EPM2AIP1: variants seen among roughly 807,000 people sequenced by gnomAD.
EPM2AIP1 encodes EPM2A-interacting protein 1.
A neutral mutation model predicts 44.8 loss-of-function variants in EPM2AIP1; 23 were observed. That is an observed-to-expected ratio of 0.51 (90% CI 0.37 to 0.73). The LOEUF is 0.73. Among genes scored for constraint, EPM2AIP1 ranks in the 30% least tolerant of loss-of-function variants. EPM2AIP1 has a pLI of 0.00. For synonymous variants in EPM2AIP1, 311 were observed against 284.3 expected (o/e 1.09, Z -0.94); for missense variants, 652 against 743.9 (o/e 0.88, Z 1.44).
Position 36,991,629 on chromosome 3 carries a change from C to T in EPM2AIP1, c.1449G>A (p.Lys483=). The T allele has an allele frequency of 6.2e-7, 1 of 1,613,308 alleles. No homozygotes were observed. Among genetic ancestry groups the T allele is most frequent in the Non-Finnish European group, 8.5e-7 (1 of 1,179,738 alleles). Residue 483 remains lysine (K), a synonymous_variant, in exon 1 of 1, where the codon AAG becomes AAA. Transcript: ENST00000322716. The part of the protein sequence containing the change: ...RHFKDLRFIK[K]DLELFSNPFN... ...ATGGATTTGAAAAAAGTTCTAAGTC[C>T]TTTTTAATGAACCTGAGGTCCTTAA...
Position 36,991,089 on chromosome 3 carries a change from G to C in EPM2AIP1, c.*165C>G. ...ATGTTTCAGTCCCATGCTGCCATTT[G>C]AGATGAAAAAAAAGGCAACTGTCAG... On this transcript the variant is annotated 3_prime_UTR_variant, in exon 1 of 1. Coordinates refer to ENST00000322716, the MANE Select transcript of EPM2AIP1 (RefSeq NM_014805.4). 1 of 1,337,408 alleles carries C rather than the reference G, an allele frequency of 7.5e-7. No individual in the cohort carries two copies. Among genetic ancestry groups the C allele is most frequent in the Non-Finnish European group, 9.6e-7 (1 of 1,043,868 alleles). The allele number at this position is 1,337,408 out of a possible 1,614,324, so 82.8% of individuals were successfully genotyped here.
Position 36,991,787 on chromosome 3 carries a change from G to C in EPM2AIP1, c.1291C>G (p.Leu431Val). 1.9e-6 allele frequency: 3 copies of C among 1,613,304 alleles called. No homozygotes were observed. Among genetic ancestry groups the C allele is most frequent in the Non-Finnish European group, 2.5e-6 (3 of 1,179,718 alleles). ...LFQRHIEEKN[L>V]TDFPALREVV... Reference sequence around the variant, plus strand: ...TCTCTGAGGGCAGGAAAGTCTGTTAGATTTTTTTCCTCAATATGTCTTTGA... The same window carrying C: ...TCTCTGAGGGCAGGAAAGTCTGTTACATTTTTTTCCTCAATATGTCTTTGA... Residue 431 changes from leucine to valine, a missense_variant, in exon 1 of 1, where the codon CTA (leucine) becomes GTA (valine). By Grantham distance (32) the Leu-to-Val change is conservative. Transcript: ENST00000322716.
chr3:36,993,109 T>A lies in EPM2AIP1; in HGVS notation c.-32A>T. The A allele has an allele frequency of 6.4e-7, 1 of 1,568,072 alleles. No homozygotes were observed. The highest frequency in any genetic ancestry group is 1.2e-5 in the South Asian group (1 of 85,752). ...GGAGGCCACAAGAGCAGGGCCAACG[T>A]TAGAAAGGCCGCAAGGGGAGAGGAG... On this transcript the variant is annotated 5_prime_UTR_variant, in exon 1 of 1. Transcript: ENST00000322716.
chr3:36,992,030 GT>G lies in EPM2AIP1; in HGVS notation c.1047del (p.Lys349AsnfsTer2). The G allele has an allele frequency of 6.2e-7, 1 of 1,613,852 alleles. No homozygotes were observed. Among genetic ancestry groups the G allele is most frequent in the Non-Finnish European group, 8.5e-7 (1 of 1,179,832 alleles). On this transcript the variant is annotated frameshift_variant, in exon 1 of 1. Coordinates refer to ENST00000322716, the MANE Select transcript of EPM2AIP1 (RefSeq NM_014805.4). LOFTEE classifies it high-confidence loss of function. This position sits in a 1 kb window ranked among gnomAD's most constrained non-coding sequence, Gnocchi z 5.3. ...ATTTCTTTTCTTAGAGAGAATATTA[GT>G]TTTAAAGTTTTCCCTCTCCTAAGCC... ...NNWLRRGKTL[K>X]LIFSLRKEME... is the part of the protein sequence containing the mutation.
rs2080788004 is a variant in EPM2AIP1 at position 36,989,211 on chromosome 3, C to A, written c.*2043G>T. On this transcript the variant is annotated 3_prime_UTR_variant, in exon 1 of 1. Transcript: ENST00000322716. ...TAGAAAGCAGAAGTGGCTTTCAGGT[C>A]TTCCAGTCTTTCTCTCAAGTAATAA... The A allele has an allele frequency of 6.6e-6, 1 of 151,602 alleles. No homozygotes were observed. Among genetic ancestry groups the A allele is most frequent in the Non-Finnish European group, 1.5e-5 (1 of 67,912 alleles). The allele number at this position is 151,602 out of a possible 1,614,324, so 9.4% of individuals were successfully genotyped here.
In EPM2AIP1 at chr3:36,988,393, T is replaced by TTGGGGG. The variant is rs1174222553; in HGVS notation, c.*2855_*2860dup. 11 of 152,020 alleles carry TTGGGGG rather than the reference T, an allele frequency of 7.2e-5. No homozygotes were observed. Among genetic ancestry groups the TTGGGGG allele is most frequent in the Admixed American group, 7.2e-4 (11 of 15,254 alleles). 9.4% of individuals were successfully genotyped at this position (152,020 alleles called of 1,614,324 possible). On this transcript the variant is annotated 3_prime_UTR_variant, in exon 1 of 1. Coordinates refer to ENST00000322716, the MANE Select transcript of EPM2AIP1 (RefSeq NM_014805.4). ...AGGAAACATGAGAGGAGGAGCAGGA[T>TTGGGGG]TGGGGGCAAGATCAATGACATGTAG... is the stretch of plus-strand genomic sequence containing the variant.
Position 36,991,094 on chromosome 3 carries a change from G to T in EPM2AIP1, c.*160C>A, listed in dbSNP as rs2080799806. ...TCAGTCCCATGCTGCCATTTGAGAT[G>T]AAAAAAAAGGCAACTGTCAGAATTT... On this transcript the variant is annotated 3_prime_UTR_variant, in exon 1 of 1. Coordinates refer to ENST00000322716, the MANE Select transcript of EPM2AIP1 (RefSeq NM_014805.4). 5 of 1,337,002 alleles carry T rather than the reference G, an allele frequency of 3.7e-6. No individual in the cohort carries two copies. Among genetic ancestry groups the T allele is most frequent in the Non-Finnish European group, 4.8e-6 (5 of 1,043,024 alleles). 82.8% of individuals were successfully genotyped at this position (1,337,002 alleles called of 1,614,324 possible).
In EPM2AIP1 at chr3:36,992,030, G is replaced by A; in HGVS notation, c.1048C>T (p.Leu350=). Residue 350 remains leucine, a synonymous_variant, in exon 1 of 1, where the codon CTA becomes TTA. Coordinates refer to ENST00000322716, the MANE Select transcript of EPM2AIP1 (RefSeq NM_014805.4). This position sits in a 1 kb window ranked among gnomAD's most constrained non-coding sequence, Gnocchi z 5.3. ...ATTTCTTTTCTTAGAGAGAATATTA[G>A]TTTTAAAGTTTTCCCTCTCCTAAGC... ...NWLRRGKTLK[L]IFSLRKEMEA... is the part of the protein sequence containing the mutation. 1.9e-6 allele frequency: 3 copies of A among 1,613,852 alleles called. No individual in the cohort carries two copies. The highest frequency in any genetic ancestry group is 2.5e-6 in the Non-Finnish European group (3 of 1,179,832).
rs1349716284 is a variant in EPM2AIP1 at position 36,992,070 on chromosome 3, T to C, written c.1008A>G (p.Arg336=). ...CTCTCCTAAGCCAATTGTTCAGACATCGTCCATTAACCCTTTCACCATGCT... is the reference window on the plus strand; with the variant it reads ...CTCTCCTAAGCCAATTGTTCAGACACCGTCCATTAACCCTTTCACCATGCT... ...ESEHGERVNG[R]CLNNWLRRGK... Residue 336 remains arginine (R), a synonymous_variant, in exon 1 of 1, where the codon CGA becomes CGG. Transcript: ENST00000322716. The surrounding 1 kb of genome is among the most constrained non-coding windows in gnomAD (Gnocchi z 5.3). 1 of 1,614,046 alleles carries C rather than the reference T, an allele frequency of 6.2e-7. No individual in the cohort carries two copies. The highest frequency in any genetic ancestry group is 2.2e-5 in the East Asian group (1 of 44,890).
In EPM2AIP1 at chr3:36,992,539, T is replaced by G. The variant is rs1559497395; in HGVS notation, c.539A>C (p.Asp180Ala). The G allele has an allele frequency of 1.2e-6, 2 of 1,613,870 alleles. No individual in the cohort carries two copies. Among genetic ancestry groups the G allele is most frequent in the Non-Finnish European group, 1.7e-6 (2 of 1,179,882 alleles). Residue 180 changes from aspartate to alanine, a missense_variant, in exon 1 of 1, where the codon GAC becomes GCC. Asp to Ala is a moderately radical substitution (Grantham distance 126, BLOSUM62 -2). Coordinates refer to ENST00000322716, the MANE Select transcript of EPM2AIP1 (RefSeq NM_014805.4). The surrounding 1 kb of genome is among the most constrained non-coding windows in gnomAD (Gnocchi z 5.3). ...RDFKAYSLAL[D>A]DQAFVAYENY... ...CTCATAGGCCACAAAAGCCTGGTCG[T>G]CCAAGGCAAGAGAATAGGCTTTAAA... is the stretch of plus-strand genomic sequence containing the variant.
chr3:36,990,822 G>A lies in EPM2AIP1; in HGVS notation c.*432C>T, dbSNP rs2080798447. The A allele has an allele frequency of 2.1e-5, 21 of 986,296 alleles. No homozygotes were observed. Among genetic ancestry groups the A allele is most frequent in the Non-Finnish European group, 2.4e-5 (20 of 830,502 alleles). The allele number at this position is 986,296 out of a possible 1,614,324, so 61.1% of individuals were successfully genotyped here. On this transcript the variant is annotated 3_prime_UTR_variant, in exon 1 of 1. Coordinates refer to ENST00000322716, the MANE Select transcript of EPM2AIP1 (RefSeq NM_014805.4). ...TTTTGGAAACTTATGAACTTGCTAT[G>A]TGAGCTTCTGCAAATTGGTTCAAAA...
chr3:36,987,021 C>A lies in EPM2AIP1; in HGVS notation c.*4233G>T, dbSNP rs1194202050. The A allele has an allele frequency of 6.6e-6, 1 of 152,376 alleles. No homozygotes were observed. Among genetic ancestry groups the A allele is most frequent in the Non-Finnish European group, 1.5e-5 (1 of 68,014 alleles). The allele number at this position is 152,376 out of a possible 1,614,324, so 9.4% of individuals were successfully genotyped here. A position where few individuals can be genotyped will look rare whatever the true frequency, so the allele number is the denominator to read the frequency against. On this transcript the variant is annotated 3_prime_UTR_variant, in exon 1 of 1. Transcript: ENST00000322716. The stretch of plus-strand genomic sequence containing the variant: ...TACCCAGAAATTAAGTTCAGAGAGG[C>A]ATGGGAACAAGAAGGCAAAGGAATA...
In EPM2AIP1 at chr3:36,989,528, C is replaced by T. The variant is rs1234763747; in HGVS notation, c.*1726G>A. 1 of 151,634 alleles carries T rather than the reference C, an allele frequency of 6.6e-6. No homozygotes were observed. Among genetic ancestry groups the T allele is most frequent in the Admixed American group, 6.6e-5 (1 of 15,164 alleles). The allele number at this position is 151,634 out of a possible 1,614,324, so 9.4% of individuals were successfully genotyped here. On this transcript the variant is annotated 3_prime_UTR_variant, in exon 1 of 1. Transcript: ENST00000322716. Reference sequence around the variant, plus strand: ...AATGCCTTTATTGCACTTTACTAGCCAAATTTAGAAGGTTGGAATTAGTCT... The same window carrying T: ...AATGCCTTTATTGCACTTTACTAGCTAAATTTAGAAGGTTGGAATTAGTCT...
chr3:36,993,116 G>C lies in EPM2AIP1; in HGVS notation c.-39C>G. ...ACAAGAGCAGGGCCAACGTTAGAAA[G>C]GCCGCAAGGGGAGAGGAGGAGCCTG... On this transcript the variant is annotated 5_prime_UTR_variant, in exon 1 of 1. Coordinates refer to ENST00000322716, the MANE Select transcript of EPM2AIP1 (RefSeq NM_014805.4). The C allele has an allele frequency of 1.3e-6, 2 of 1,559,830 alleles. No individual in the cohort carries two copies. The highest frequency in any genetic ancestry group is 1.9e-5 in the Admixed American group (1 of 53,362).
At position 36,985,590 on chromosome 3, in the gene EPM2AIP1, C is replaced by T. The variant is rs552993881; in HGVS notation, c.*5664G>A. 106 of 152,322 alleles carry T rather than the reference C, an allele frequency of 7.0e-4. No individual in the cohort carries two copies. Among genetic ancestry groups the T allele is most frequent in the Middle Eastern group, 3.4e-3 (1 of 294 alleles). The allele number at this position is 152,322 out of a possible 1,614,324, so 9.4% of individuals were successfully genotyped here. A position where few individuals can be genotyped will look rare whatever the true frequency, so the allele number is the denominator to read the frequency against. ...AACTTTAATGTGGCTATGTGATTTG[C>T]TTTGGCCAATGAAAGTCCTTTAAGA... On this transcript the variant is annotated 3_prime_UTR_variant, in exon 1 of 1. Transcript: ENST00000322716.
rs2080786813 is a variant in EPM2AIP1, at chr3:36,989,009, AAAC to A, written c.*2242_*2244del. On this transcript the variant is annotated 3_prime_UTR_variant, in exon 1 of 1. Transcript: ENST00000322716. ...TTTCTTTTTTTTTTTTTTTTTTTAC[AAAC>A]AAGACTAGCTTATAGCAAATTCTCT... 6.9e-6 allele frequency: 1 copy of A among 145,792 alleles called. No individual in the cohort carries two copies. Among genetic ancestry groups the A allele is most frequent in the Non-Finnish European group, 1.5e-5 (1 of 66,326 alleles). 9.0% of individuals were successfully genotyped at this position (145,792 alleles called of 1,614,324 possible).
rs1219909633 is a variant in EPM2AIP1 at position 36,993,070 on chromosome 3, A to G, written c.8T>C (p.Met3Thr). The change falls in exon 1 of 1, where the codon ATG (methionine) becomes ACG (threonine). Residue 3 changes from methionine (M) to threonine (T), a missense_variant. Transcript: ENST00000322716. MW[M>T]TPKRSKMEVD... is the part of the protein sequence containing the mutation. ...TTCCATCTTGCTTCTTTTGGGCGTCATCCACATTCTGCGGGAGGCCACAAG... is the reference window on the plus strand; with the variant it reads ...TTCCATCTTGCTTCTTTTGGGCGTCGTCCACATTCTGCGGGAGGCCACAAG... The G allele has an allele frequency of 2.5e-6, 4 of 1,603,082 alleles. No individual in the cohort carries two copies. In the Admixed American group the frequency reaches 5.1e-5, roughly 20 times the overall value.
chr3:36,992,542 A>C lies in EPM2AIP1; in HGVS notation c.536T>G (p.Leu179Trp). ...ATAGGCCACAAAAGCCTGGTCGTCC[A>C]AGGCAAGAGAATAGGCTTTAAAGTC... ...ARDFKAYSLA[L>W]DDQAFVAYEN... The change falls in exon 1 of 1, where the codon TTG becomes TGG. Residue 179 changes from leucine to tryptophan, a missense_variant. Transcript: ENST00000322716. The surrounding 1 kb of genome is among the most constrained non-coding windows in gnomAD (Gnocchi z 5.3). 2 of 1,614,066 alleles carry C rather than the reference A, an allele frequency of 1.2e-6. No homozygotes were observed. Among genetic ancestry groups the C allele is most frequent in the Non-Finnish European group, 1.7e-6 (2 of 1,179,890 alleles).
At position 36,991,688 on chromosome 3, in the gene EPM2AIP1, T is replaced by C; in HGVS notation, c.1390A>G (p.Ile464Val). The C allele has an allele frequency of 1.9e-6, 3 of 1,613,142 alleles. No individual in the cohort carries two copies. Among genetic ancestry groups the C allele is most frequent in the Admixed American group, 1.7e-5 (1 of 59,858 alleles). ...TCAAATTCTTTTTGGAGACGACAGA[T>C]CACCATTTGATACCTATCAGGATCA... Reference protein sequence around the residue: ...IFDPDRYQMVICRLQKEFERH... With the variant: ...IFDPDRYQMVVCRLQKEFERH... The change falls in exon 1 of 1, where the codon ATC becomes GTC. Residue 464 changes from isoleucine (I) to valine (V), a missense_variant. Ile to Val is a conservative substitution (Grantham distance 29, BLOSUM62 3). Coordinates refer to ENST00000322716, the MANE Select transcript of EPM2AIP1 (RefSeq NM_014805.4).
Sources: gnomAD v4.1 joint callset for allele counts on GRCh38, gnomAD v4.1.1 for gene constraint, Gnocchi (gnomAD v3.1) non-coding constraint, MANE v1.5 for transcripts, NCBI Gene and HGNC (gene_info 2026-07-23, HGNC 2026-07-21) for gene names.